DNAH6: variants seen among roughly 807,000 people sequenced by gnomAD.
DNAH6 encodes the protein dynein axonemal heavy chain 6, also known as axonemal beta dynein heavy chain 6.
Under a neutral mutation model 491.4 loss-of-function variants are expected in DNAH6, and 340 were observed. That is an observed-to-expected ratio of 0.69 (90% CI 0.63 to 0.76). The LOEUF is 0.76. DNAH6 is among the 30% of genes least tolerant of loss of function. The pLI is 0.00. For synonymous variants in DNAH6, 1,603 were observed against 1,686.1 expected (o/e 0.95, Z 1.21); for missense variants, 4,443 against 4,972.2 (o/e 0.89, Z 3.20).
chr2:84,624,573 T>C lies in DNAH6; in HGVS notation c.4306T>C (p.Tyr1436His). The change falls in exon 28 of 77, where the codon TAT becomes CAT. Residue 1436 changes from tyrosine to histidine, a missense_variant. Coordinates refer to ENST00000389394, the MANE Select transcript of DNAH6 (RefSeq NM_001370.2). ...RMALSQYTYG[Y>H]EYLGACPRLV... is the part of the protein sequence containing the mutation. ...GGCGCTCTCTCAGTACACTTATGGC[T>C]ATGAATATTTGGGTGCATGCCCAAG... is the stretch of plus-strand genomic sequence containing the variant. The C allele has an allele frequency of 6.4e-7, 1 of 1,551,640 alleles. No homozygotes were observed. The highest frequency in any genetic ancestry group is 8.7e-7 in the Non-Finnish European group (1 of 1,146,936).
the DNAH6 span, among the ~76,000 whole-genome samples, chr2:84,470,745 T>A: frequency 6.6e-6 from 1 of 152,218 alleles, no homozygotes; most frequent in Non-Finnish European, 1.5e-5. Context: ...AGCCTCATTT[T>A]ACCCAGCTCC....
chr2:84,759,988 A>G (rs2105120036), intron 63 of DNAH6, among the ~76,000 whole-genome samples: 1 of 152,338 alleles, frequency 6.6e-6, no homozygotes, highest in Non-Finnish European at 1.5e-5. Flanking sequence ...ATGGAACAGA[A>G]TAGAAAACCC....
the DNAH6 span, among the ~76,000 whole-genome samples, chr2:84,490,418 T>G: frequency 0.84 from 127,433 of 151,924 alleles, 55,183 homozygotes; most frequent in East Asian, 0.99. Context: ...AATCAAAATA[T>G]AGAACTCCTC....
chr2:84,720,313 C>G (rs921271912), intron 59 of DNAH6, among the ~76,000 whole-genome samples: 14 of 107,974 alleles, frequency 1.3e-4, no homozygotes, highest in Admixed American at 4.3e-4. Flanking sequence ...GAGTCTCGCT[C>G]TGTCGCCCAG....
intron 11 of DNAH6, among the ~76,000 whole-genome samples, chr2:84,567,316 A>G (rs543605801): frequency 2.5e-4 from 38 of 152,272 alleles, no homozygotes; most frequent in African/African-American, 7.9e-4. Context: ...TAAAATTCCT[A>G]TGGAACCAAA....
At chr2:84,659,005 T>A in intron 36 of DNAH6, 21 bp from the exon 37 acceptor site, 1 of 1,312,514 alleles carries the variant, frequency 7.6e-7, no homozygotes, top group Non-Finnish European at 1.0e-6. Flanking sequence ...ATATTAAGTC[T>A]GTTTCTCTTT....
the DNAH6 span, among the ~76,000 whole-genome samples, chr2:84,478,296 A>C: frequency 2.0e-5 from 3 of 152,234 alleles, no homozygotes; most frequent in Non-Finnish European, 4.4e-5. Context: ...CAATTCTAAG[A>C]AAGAACCAGC....
chr2:84,757,914 T>C (rs1471550149), intron 63 of DNAH6, among the ~76,000 whole-genome samples: 1 of 152,228 alleles, frequency 6.6e-6, no homozygotes, highest in Non-Finnish European at 1.5e-5. Flanking sequence ...TGGCTTTAAC[T>C]GATGCATCTC....
Position 84,619,895 on chromosome 2 carries a change from G to C in DNAH6, c.3783G>C (p.Glu1261Asp). 1 of 1,550,016 alleles carries C rather than the reference G, an allele frequency of 6.5e-7. No homozygotes were observed. The highest frequency in any genetic ancestry group is 8.7e-7 in the Non-Finnish European group (1 of 1,145,624). The change falls in exon 24 of 77, where the codon GAG becomes GAC. Residue 1261 changes from glutamate (E) to aspartate (D), a missense_variant. By Grantham distance (45) the Glu-to-Asp change is conservative (BLOSUM62 2). Transcript: ENST00000389394. ...TNDILAMLSP[E>D]GERVSLGKGL... ...ATATTTTAGCAATGCTGTCACCAGAGGGAGAAAGGGTGAGGTGCTTTTATT... is the reference window on the plus strand; with the variant it reads ...ATATTTTAGCAATGCTGTCACCAGACGGAGAAAGGGTGAGGTGCTTTTATT...
At chr2:84,596,837 G>A (rs1684641459) in intron 18 of DNAH6, among the ~76,000 whole-genome samples, 1 of 151,976 alleles carries the variant, frequency 6.6e-6, no homozygotes, top group African/African-American at 2.4e-5. Flanking sequence ...TTTCTTTATT[G>A]CCTTTAGTGT....
Position 84,529,164 on chromosome 2 carries a change from A to C in DNAH6, c.660A>C (p.Leu220=), listed in dbSNP as rs771607358. The C allele has an allele frequency of 1.2e-5, 19 of 1,529,274 alleles. No homozygotes were observed. The African/African-American group carries it at 2.6e-4, about 21-fold the overall frequency. The allele number at this position is 1,529,274 out of a possible 1,614,324, so 94.7% of individuals were successfully genotyped here. A position where few individuals can be genotyped will look rare whatever the true frequency, so the allele number is the denominator to read the frequency against. ...CCATTGAATATGATACATATAATCT[A>C]AAGTGAGTTATTTTTTATGATGCAA... ...RSSIEYDTYN[L]KVVSYENINK... Residue 220 remains leucine (L), a splice_region_variant and synonymous_variant, in exon 4 of 77, where the codon CTA becomes CTC. Coordinates refer to ENST00000389394, the MANE Select transcript of DNAH6 (RefSeq NM_001370.2).
intron 29 of DNAH6, among the ~76,000 whole-genome samples, chr2:84,628,145 A>C (rs1688053242): frequency 6.6e-6 from 1 of 152,192 alleles, no homozygotes; most frequent in Non-Finnish European, 1.5e-5. Context: ...CAATAGCCAG[A>C]AGAAGGGGGT....
chr2:84,764,798 A>G (rs1199331739), intron 64 of DNAH6, among the ~76,000 whole-genome samples: 1 of 152,146 alleles, frequency 6.6e-6, no homozygotes, highest in Non-Finnish European at 1.5e-5. Flanking sequence ...CATGGTGTAT[A>G]TATACATTTC....
At chr2:84,733,071 G>C (rs1161936279) in intron 61 of DNAH6, among the ~76,000 whole-genome samples, 1 of 152,170 alleles carries the variant, frequency 6.6e-6, no homozygotes, top group Non-Finnish European at 1.5e-5. Flanking sequence ...TATCTTCTAG[G>C]GGTGAGAACA....
rs966880405 is a variant in DNAH6 at position 84,798,960 on chromosome 2, G to C, written c.11481+1302G>C. ...GGCATAGGTTTGTATGCCAGCAAGG[G>C]AGCTGGTCACTCCTCTTTTTTTCTT... On this transcript the variant is annotated intron_variant, in intron 70 of 76. Transcript: ENST00000389394. 4.6e-4 allele frequency among the ~76,000 whole-genome samples: 70 copies of C among 151,920 alleles called. 3 individuals are homozygous for C. Among genetic ancestry groups the C allele is most frequent in the Non-Finnish European group, 1.5e-5 (1 of 68,000 alleles).
At chr2:84,480,014 G>T in the DNAH6 span, among the ~76,000 whole-genome samples, 3 of 152,092 alleles carry the variant, frequency 2.0e-5, no homozygotes, top group Non-Finnish European at 2.9e-5. Flanking sequence ...CAATTGATGG[G>T]GTCTGTTTGG....
At chr2:84,685,604 T>C (rs1694188087) in intron 43 of DNAH6, 132 bp downstream of exon 43, 1 of 447,600 alleles carries the variant, frequency 2.2e-6, no homozygotes, top group African/African-American at 2.0e-5. Context: ...ATGGTTCAAA[T>C]ATATATTAAA....
At position 84,667,865 on chromosome 2, in the gene DNAH6, T is replaced by A. The variant is rs184227428; in HGVS notation, c.6085-1424T>A. Among the ~76,000 whole-genome samples the A allele has an allele frequency of 2.6e-3, 402 of 152,248 alleles. 20 individuals carry two copies. In the East Asian group the frequency reaches 0.064, roughly 24 times the overall value. On this transcript the variant is annotated intron_variant, in intron 37 of 76. Coordinates refer to ENST00000389394, the MANE Select transcript of DNAH6 (RefSeq NM_001370.2). ...AAATGTCCATCAATGATAGACTGGATTAAGAAAATGTGGCACATATACACC... is the reference window on the plus strand; with the variant it reads ...AAATGTCCATCAATGATAGACTGGAATAAGAAAATGTGGCACATATACACC...
intron 72 of DNAH6, among the ~76,000 whole-genome samples, chr2:84,810,218 C>G (rs986904389): frequency 6.6e-6 from 1 of 152,098 alleles, no homozygotes; most frequent in African/African-American, 2.4e-5. Flanking sequence ...TTGTAATTTC[C>G]CCCCTATGAG....
Sources: gnomAD v4.1 joint callset for allele counts (sites outside exome capture counted in the v4.1 genomes callset) on GRCh38, gnomAD v4.1.1 for gene constraint, MANE v1.5 for transcripts, NCBI Gene and HGNC (gene_info 2026-07-23, HGNC 2026-07-21) for gene names.